TMEM178B: variants seen among roughly 807,000 people sequenced by gnomAD.
TMEM178B encodes the protein transmembrane protein 178B.
TMEM178B carries 5 observed loss-of-function variants against 31.0 expected under a neutral mutation model. That is an observed-to-expected ratio of 0.16 (90% CI 0.08 to 0.34). TMEM178B has a LOEUF of 0.34. Among genes scored for constraint, TMEM178B ranks in the 10% least tolerant of loss-of-function variants. The probability of loss-of-function intolerance (pLI) is 1.00; values close to 1 mark genes in which losing one functional copy is unlikely to be tolerated. For missense variants in TMEM178B, 275 were observed against 400.3 expected (o/e 0.69, Z 2.67); for synonymous variants, 164 against 164.0 (o/e 1.00, Z 0.00).
chr7:141,370,695 A>G (rs1452685351), intron 2 of TMEM178B, among the ~76,000 whole-genome samples: 3 of 152,228 alleles, frequency 2.0e-5, no homozygotes, highest in Non-Finnish European at 4.4e-5. Context: ...ACATTTGCCA[A>G]TATTTAGTAG....
At chr7:141,167,407 A>G (rs1420433975) in intron 1 of TMEM178B, among the ~76,000 whole-genome samples, 1 of 152,254 alleles carries the variant, frequency 6.6e-6, no homozygotes, top group Non-Finnish European at 1.5e-5. Context: ...GCAAGTTGGC[A>G]TGAGGTAGTC....
intron 2 of TMEM178B, among the ~76,000 whole-genome samples, chr7:141,349,939 C>CCATCCATG (rs1241253800): frequency 6.6e-6 from 1 of 151,008 alleles, no homozygotes. Context: ...ATCCATGCAT[C>CCATCCATG]CATCCATGCA....
chr7:141,155,791 G>A (rs1239661650), intron 1 of TMEM178B, among the ~76,000 whole-genome samples: 2 of 152,302 alleles, frequency 1.3e-5, no homozygotes, highest in East Asian at 1.9e-4. Flanking sequence ...GGGGTCGGGC[G>A]TGGTGGCTCA....
chr7:141,265,701 G>A lies in TMEM178B; in HGVS notation c.496+52997G>A, dbSNP rs575461834. On this transcript the variant is annotated intron_variant, in intron 2 of 3. Transcript: ENST00000565468. Reference sequence around the variant, plus strand: ...ATTGGGTTGGATGAAGAACAAAGAAGCAGAATCAGCTTTTCCACCACCAGG... The same window carrying A: ...ATTGGGTTGGATGAAGAACAAAGAAACAGAATCAGCTTTTCCACCACCAGG... Among the ~76,000 whole-genome samples the A allele has an allele frequency of 4.1e-4, 62 of 152,292 alleles. 1 individual carries two copies. The highest frequency in any genetic ancestry group is 3.4e-3 in the Middle Eastern group (1 of 294).
chr7:141,429,143 C>T (rs1801374992), intron 2 of TMEM178B, among the ~76,000 whole-genome samples: 1 of 152,122 alleles, frequency 6.6e-6, no homozygotes, highest in African/African-American at 2.4e-5. Context: ...AACTGCCATA[C>T]AATCCAGCAA....
intron 2 of TMEM178B, among the ~76,000 whole-genome samples, chr7:141,364,027 A>T (rs192454683): frequency 6.6e-6 from 1 of 152,286 alleles, no homozygotes; most frequent in South Asian, 2.1e-4. Context: ...CATCACCTTG[A>T]CTTACTCCTA....
intron 2 of TMEM178B, among the ~76,000 whole-genome samples, chr7:141,345,864 A>C (rs909606193): frequency 6.6e-6 from 1 of 152,216 alleles, no homozygotes; most frequent in African/African-American, 2.4e-5. Flanking sequence ...CAATTTGGGC[A>C]TGCCGTCACC....
At chr7:141,441,367 C>T (rs1298074032) in intron 3 of TMEM178B, among the ~76,000 whole-genome samples, 2 of 152,174 alleles carry the variant, frequency 1.3e-5, no homozygotes, top group African/African-American at 4.8e-5. Context: ...GAGTAAGCCA[C>T]CTGTGACAGC....
At chr7:141,127,130 T>A (rs1380016405) in intron 1 of TMEM178B, among the ~76,000 whole-genome samples, 1 of 152,154 alleles carries the variant, frequency 6.6e-6, no homozygotes, top group Admixed American at 6.5e-5. Context: ...GGCCATAAAA[T>A]AGTGTCCCTA....
chr7:141,244,500 C>T (rs1797693709), intron 2 of TMEM178B, among the ~76,000 whole-genome samples: 1 of 152,198 alleles, frequency 6.6e-6, no homozygotes, highest in South Asian at 2.1e-4. Context: ...ACAAAAGATA[C>T]ACATGTGAGT....
chr7:141,336,930 CCATCACCACCACCAT>C (rs1799408168), intron 2 of TMEM178B, among the ~76,000 whole-genome samples: 1 of 111,520 alleles, frequency 9.0e-6, no homozygotes, highest in Non-Finnish European at 1.9e-5. Context: ...ACCACCACCA[CCATCACCACCACCAT>C]CACCACCACC....
chr7:141,216,586 A>T (rs1173965901), intron 2 of TMEM178B, among the ~76,000 whole-genome samples: 1 of 151,404 alleles, frequency 6.6e-6, no homozygotes, highest in East Asian at 2.0e-4. Context: ...ATCTTTGTGG[A>T]TGAGGTTCAA....
intron 2 of TMEM178B, among the ~76,000 whole-genome samples, chr7:141,375,332 A>G (rs1285505356): frequency 2.0e-5 from 3 of 152,228 alleles, no homozygotes; most frequent in African/African-American, 7.2e-5. Context: ...TTTCAGGGTC[A>G]TTGTGATATG....
At chr7:141,450,593 G>T (rs556960871) in intron 3 of TMEM178B, among the ~76,000 whole-genome samples, 1 of 152,242 alleles carries the variant, frequency 6.6e-6, no homozygotes, top group Non-Finnish European at 1.5e-5. Context: ...CAAAAAGGGG[G>T]GAAAGGGGGC....
At chr7:141,448,548 AG>A (rs1314919147) in intron 3 of TMEM178B, among the ~76,000 whole-genome samples, 1 of 152,186 alleles carries the variant, frequency 6.6e-6, no homozygotes, top group Non-Finnish European at 1.5e-5. Context: ...TTACTTGCAC[AG>A]GACAGTCCCA....
chr7:141,247,492 G>T (rs1797756443), intron 2 of TMEM178B, among the ~76,000 whole-genome samples: 2 of 152,164 alleles, frequency 1.3e-5, no homozygotes, highest in African/African-American at 2.4e-5. Context: ...TGCTCGAGAT[G>T]TTTGAATTCA....
intron 2 of TMEM178B, among the ~76,000 whole-genome samples, chr7:141,432,146 C>CTTTTT (rs71170797): frequency 3.8e-5 from 3 of 79,080 alleles, no homozygotes; most frequent in African/African-American, 1.5e-4. Context: ...TTCACTGCAT[C>CTTTTT]TTTTTTTTTT....
chr7:141,206,865 A>T (rs972290431), intron 1 of TMEM178B, among the ~76,000 whole-genome samples: 4 of 152,238 alleles, frequency 2.6e-5, no homozygotes, highest in Non-Finnish European at 5.9e-5. Flanking sequence ...AACTATAGGC[A>T]TAAGGTTATA....
intron 1 of TMEM178B, among the ~76,000 whole-genome samples, chr7:141,150,547 G>C (rs943002907): frequency 6.6e-6 from 1 of 152,256 alleles, no homozygotes; most frequent in Non-Finnish European, 1.5e-5. Context: ...CGTTGAGCTA[G>C]TTTCAAGCCC....
Sources: allele counts gnomAD v4.1 joint callset (sites outside exome capture counted in the v4.1 genomes callset), GRCh38; gene constraint gnomAD v4.1.1; transcripts MANE v1.5; gene names NCBI Gene and HGNC (gene_info 2026-07-23, HGNC 2026-07-21).